The following COL4A5 variants were observed in gnomAD, a reference collection of about 807,000 sequenced individuals.
COL4A5 encodes collagen type IV alpha 5 chain.
In COL4A5, 26 loss-of-function variants were observed where a neutral mutation model predicts 130.2. That is an observed-to-expected ratio of 0.20 (90% CI 0.15 to 0.28). The LOEUF (loss-of-function observed/expected upper bound fraction) is 0.28. Ranked by LOEUF, COL4A5 falls within the 10% of genes least tolerant of loss-of-function variation. COL4A5 has a pLI of 1.00. For synonymous variants in COL4A5, 496 were observed against 439.6 expected, an observed-to-expected ratio of 1.13 and a Z score of -1.60; for missense variants, 1,131 against 1,344.3, an observed-to-expected ratio of 0.84 and a Z score of 2.48.
At chrX:108,542,328 A>G (rs1304655388) in intron 2 of COL4A5, among the ~76,000 whole-genome samples, 4 of 106,441 alleles carry the variant, frequency 3.8e-5, no homozygotes, top group Non-Finnish European at 5.8e-5. Context: ...TCATTGTTCA[A>G]TTCCCACCTA....
intron 1 of COL4A5, among the ~76,000 whole-genome samples, chrX:108,518,309 G>A (rs1211148126): frequency 6.3e-5 from 7 of 111,307 alleles, no homozygotes; most frequent in Non-Finnish European, 1.3e-4. Flanking sequence ...TACCCTAAGT[G>A]AGCTGTAGGC....
intron 36 of COL4A5, among the ~76,000 whole-genome samples, chrX:108,631,868 G>A (rs187505074): frequency 3.6e-5 from 4 of 111,359 alleles, no homozygotes; most frequent in African/African-American, 1.3e-4. Flanking sequence ...ATGCCCACAA[G>A]AGAAAGCAAG....
At chrX:108,563,833 T>C in intron 3 of COL4A5, 49 bp from the exon 4 acceptor site, 4 of 1,060,332 alleles carry the variant, frequency 3.8e-6, no homozygotes, top group African/African-American at 1.8e-5. Context: ...AATGAGTTAT[T>C]TGAGGACTTT....
chrX:108,487,903 C>T (rs1439717540), intron 1 of COL4A5, among the ~76,000 whole-genome samples: 2 of 112,267 alleles, frequency 1.8e-5, no homozygotes, highest in African/African-American at 6.5e-5. Context: ...CGTTCTTACC[C>T]TGCCCCAAGG....
At chrX:108,683,391 C>T (rs73530149) in intron 47 of COL4A5, among the ~76,000 whole-genome samples, 10,279 of 110,648 alleles carry the variant, frequency 0.093, 1,094 homozygotes, top group African/African-American at 0.31. Flanking sequence ...TTTTTAATTC[C>T]ATATGAAATT....
intron 1 of COL4A5, among the ~76,000 whole-genome samples, chrX:108,457,392 A>G (rs1316226788): frequency 1.8e-5 from 2 of 112,061 alleles, no homozygotes; most frequent in African/African-American, 3.2e-5. Flanking sequence ...TATGTTAATC[A>G]TACCGTAAGA....
chrX:108,548,921 A>G (rs2065709203), intron 2 of COL4A5, among the ~76,000 whole-genome samples: 1 of 111,742 alleles, frequency 8.9e-6, no homozygotes, highest in Non-Finnish European at 1.9e-5. Flanking sequence ...ACATTTTCTC[A>G]TAATAAAAAT....
At chrX:108,499,106 A>G (rs1307529011) in intron 1 of COL4A5, among the ~76,000 whole-genome samples, 1 of 111,707 alleles carries the variant, frequency 9.0e-6, no homozygotes, top group Non-Finnish European at 1.9e-5. Context: ...GTATTTCACT[A>G]TTAAGTATTA....
At chrX:108,655,571 G>T (rs1206510064) in intron 37 of COL4A5, 114 bp downstream of exon 37, 1 of 850,132 alleles carries the variant, frequency 1.2e-6, no homozygotes, top group Admixed American at 2.6e-5. Flanking sequence ...ATCAGATACT[G>T]ACTAGCAACA....
intron 36 of COL4A5, among the ~76,000 whole-genome samples, chrX:108,639,887 C>T (rs944073400): frequency 8.9e-6 from 1 of 112,089 alleles, no homozygotes; most frequent in East Asian, 2.8e-4. Context: ...CAGTAAATAA[C>T]AAGTGTTGGT....
chrX:108,564,578 A>G (rs922390729), intron 4 of COL4A5, among the ~76,000 whole-genome samples: 3 of 111,730 alleles, frequency 2.7e-5, no homozygotes, highest in Non-Finnish European at 3.8e-5. Flanking sequence ...CTGAGAGGAA[A>G]CTGTAGTTTA....
chrX:108,531,384 A>ATAAATAAAAAG (rs2065383523), intron 1 of COL4A5, among the ~76,000 whole-genome samples: 2 of 108,866 alleles, frequency 1.8e-5, no homozygotes, highest in Non-Finnish European at 3.8e-5. Context: ...TAAATAAAAA[A>ATAAATAAAAAG]TAAAATAAAT....
chrX:108,443,958 A>T (rs1441318926), intron 1 of COL4A5, among the ~76,000 whole-genome samples: 1 of 112,286 alleles, frequency 8.9e-6, no homozygotes, highest in Non-Finnish European at 1.9e-5. Flanking sequence ...TGATTGAATT[A>T]TACTGTAATA....
chrX:108,528,026 G>A (rs2065344316), intron 1 of COL4A5, among the ~76,000 whole-genome samples: 1 of 111,996 alleles, frequency 8.9e-6, no homozygotes, highest in South Asian at 3.7e-4. Flanking sequence ...GTCCACTGCT[G>A]GCATTATCAG....
At chrX:108,466,163 C>A (rs1226073366) in intron 1 of COL4A5, among the ~76,000 whole-genome samples, 2 of 111,468 alleles carry the variant, frequency 1.8e-5, no homozygotes, top group East Asian at 5.6e-4. Context: ...GACATCTGGG[C>A]TATTACCACT....
At chrX:108,577,125 C>A (rs1473727064) in intron 10 of COL4A5, among the ~76,000 whole-genome samples, 3 of 108,644 alleles carry the variant, frequency 2.8e-5, no homozygotes, top group African/African-American at 1.0e-4. Context: ...AATCCCGGCA[C>A]TTTGGGAGGC....
rs367998016 is a variant in COL4A5 at position 108,622,168 on chromosome X, G to A, written c.2767+276G>A. On this transcript the variant is annotated intron_variant, in intron 32 of 52. Transcript: ENST00000328300. ...TTTTGAGACGGAGTCTCGCTCTGTT[G>A]CCCAGGCTGGAGTGCAATGGTGCGA... is the stretch of plus-strand genomic sequence containing the variant. 6.2e-4 allele frequency among the ~76,000 whole-genome samples: 70 copies of A among 112,169 alleles called. 1 individual carries two copies. The highest frequency in any genetic ancestry group is 2.2e-3 in the African/African-American group (67 of 30,941).
intron 1 of COL4A5, among the ~76,000 whole-genome samples, chrX:108,451,718 T>G (rs1455738603): frequency 3.7e-5 from 4 of 109,534 alleles, no homozygotes; most frequent in Non-Finnish European, 7.6e-5. Flanking sequence ...TAAATTTGTT[T>G]GAGTTCATTG....
At chrX:108,678,519 T>G (rs1340428678) in intron 44 of COL4A5, among the ~76,000 whole-genome samples, 2 of 111,414 alleles carry the variant, frequency 1.8e-5, no homozygotes, top group Non-Finnish European at 1.9e-5. Flanking sequence ...ATTAAAAATA[T>G]TCTCATGTTT....
Sources: gnomAD v4.1 joint callset for allele counts (sites outside exome capture counted in the v4.1 genomes callset) on GRCh38, gnomAD v4.1.1 for gene constraint, MANE v1.5 for transcripts, NCBI Gene and HGNC (gene_info 2026-07-23, HGNC 2026-07-21) for gene names.